MTHFD1L: variants seen among roughly 807,000 people sequenced by gnomAD.
The protein encoded by MTHFD1L is methylenetetrahydrofolate dehydrogenase (NADP+ dependent) 1 like.
In MTHFD1L, 81 loss-of-function variants were observed where a neutral mutation model predicts 119.5. The observed-to-expected ratio is 0.68, with a 90% CI of 0.57 to 0.82. The LOEUF (loss-of-function observed/expected upper bound fraction) is 0.82. MTHFD1L is among the 40% of genes least tolerant of loss of function. The pLI is 0.00. For missense variants in MTHFD1L, 1,125 were observed against 1,253.4 expected, an observed-to-expected ratio of 0.90 and a Z score of 1.55; for synonymous variants, 430 against 475.2, an observed-to-expected ratio of 0.90 and a Z score of 1.24.
At chr6:150,883,895 C>G (rs77344553) in intron 5 of MTHFD1L, among the ~76,000 whole-genome samples, 3 of 151,992 alleles carry the variant, frequency 2.0e-5, no homozygotes, top group African/African-American at 7.3e-5. Flanking sequence ...TCCGGTAGAC[C>G]CTGCAGGGGC....
intron 1 of MTHFD1L, among the ~76,000 whole-genome samples, chr6:150,875,196 C>T (rs1207768861): frequency 1.3e-5 from 2 of 152,136 alleles, no homozygotes; most frequent in Non-Finnish European, 2.9e-5. Context: ...TCTGGGACTA[C>T]AGTCACGTGC....
chr6:150,958,597 G>A (rs1626655), intron 17 of MTHFD1L, among the ~76,000 whole-genome samples: 43,149 of 151,816 alleles, frequency 0.28, 6,466 homozygotes, highest in East Asian at 0.49. Context: ...TTGCCCTATC[G>A]TGATTATTAC....
At chr6:150,977,270 C>G (rs973061431) in intron 20 of MTHFD1L, among the ~76,000 whole-genome samples, 1 of 152,106 alleles carries the variant, frequency 6.6e-6, no homozygotes, top group African/African-American at 2.4e-5. Context: ...TTTGTTCTAA[C>G]AAAAAGCATA....
chr6:151,077,807 T>TA (rs1792694383), intron 26 of MTHFD1L, among the ~76,000 whole-genome samples: 2 of 152,224 alleles, frequency 1.3e-5, no homozygotes, highest in South Asian at 4.1e-4. Context: ...CTCACGCTTG[T>TA]AATCCCAGCA....
intron 4 of MTHFD1L, among the ~76,000 whole-genome samples, chr6:150,879,890 A>G (rs1289673210): frequency 6.6e-6 from 1 of 151,980 alleles, no homozygotes; most frequent in African/African-American, 2.4e-5. Context: ...TGGCCTCCCA[A>G]AGCGCTGGGA....
At chr6:150,934,690 G>A (rs1179144748) in intron 11 of MTHFD1L, among the ~76,000 whole-genome samples, 4 of 152,148 alleles carry the variant, frequency 2.6e-5, no homozygotes, top group African/African-American at 2.4e-5. Flanking sequence ...TATTAGATTG[G>A]TTGTGGTTGA....
rs540059318 is a variant in MTHFD1L at position 150,928,433 on chromosome 6, CAAAAAAAA to C, written c.1256+2155_1256+2162del. ...CCTAGGTGACAGAGCAAGACTGTCT[CAAAAAAAA>C]AAAAAAAAAAAAAAAATCACCTCTT... On this transcript the variant is annotated intron_variant, in intron 11 of 27. Coordinates refer to ENST00000367321, the MANE Select transcript of MTHFD1L (RefSeq NM_015440.5). Among the ~76,000 whole-genome samples the C allele has an allele frequency of 1.6e-4, 11 of 70,934 alleles. No individual in the cohort carries two copies. In the South Asian group the frequency reaches 4.0e-3, roughly 26 times the overall value. 46.5% of individuals were successfully genotyped at this position (70,934 alleles called of 152,430 possible).
At chr6:151,023,004 T>C (rs1436402018) in intron 24 of MTHFD1L, among the ~76,000 whole-genome samples, 1 of 151,692 alleles carries the variant, frequency 6.6e-6, no homozygotes, top group Non-Finnish European at 1.5e-5. Context: ...ACCCCCTGCT[T>C]TTTTTATGTT....
In MTHFD1L at chr6:151,091,118, C is replaced by T. The variant is rs536067683; in HGVS notation, c.2848-1349C>T. 6.8e-4 allele frequency among the ~76,000 whole-genome samples: 99 copies of T among 145,970 alleles called. 3 individuals carry two copies. Among genetic ancestry groups the T allele is most frequent in the African/African-American group, 2.5e-3 (95 of 37,550 alleles). On this transcript the variant is annotated intron_variant, in intron 26 of 27. Coordinates refer to ENST00000367321, the MANE Select transcript of MTHFD1L (RefSeq NM_015440.5). ...CGTTCCATGCGACTGGGTACAGCAT[C>T]GTTCTATGTGACTGGGTGCAGCATC... is the stretch of plus-strand genomic sequence containing the variant.
intron 4 of MTHFD1L, 82 bp from the exon 5 acceptor site, chr6:150,882,680 C>A: frequency 9.7e-7 from 1 of 1,033,100 alleles, no homozygotes; most frequent in South Asian, 2.2e-5. Context: ...TTTCATGAAT[C>A]CACTTTTTAT....
At position 151,078,524 on chromosome 6, in the gene MTHFD1L, C is replaced by T. The variant is rs138892861; in HGVS notation, c.2848-13943C>T. On this transcript the variant is annotated intron_variant, in intron 26 of 27. Transcript: ENST00000367321. ...CTGCTTCAGACTGCGAAAATTGTCT[C>T]ATCTGAGGCCTGGGTTCCTCATCAA... Among the ~76,000 whole-genome samples, 282 of 152,292 alleles carry T rather than the reference C, an allele frequency of 1.9e-3. 3 individuals carry two copies. Among genetic ancestry groups the T allele is most frequent in the African/African-American group, 6.3e-3 (261 of 41,534 alleles).
intron 18 of MTHFD1L, among the ~76,000 whole-genome samples, chr6:150,964,358 A>C (rs2129006009): frequency 6.6e-6 from 1 of 152,320 alleles, no homozygotes; most frequent in African/African-American, 2.4e-5. Flanking sequence ...GATTGGAAGG[A>C]AGCTGCCTTA....
At chr6:150,923,512 T>TATTTATTTA in intron 10 of MTHFD1L, among the ~76,000 whole-genome samples, 1 of 108,718 alleles carries the variant, frequency 9.2e-6, no homozygotes, top group African/African-American at 5.3e-5. Context: ...ACTGACACTT[T>TATTTATTTA]ATTTATTTAT....
intron 7 of MTHFD1L, among the ~76,000 whole-genome samples, chr6:150,895,480 A>T (rs1406064833): frequency 1.3e-5 from 2 of 152,014 alleles, no homozygotes; most frequent in Non-Finnish European, 2.9e-5. Flanking sequence ...GAACCGTTTT[A>T]TTTTGTTTTT....
chr6:151,014,270 A>C (rs1410884286), intron 22 of MTHFD1L, among the ~76,000 whole-genome samples: 3 of 152,156 alleles, frequency 2.0e-5, no homozygotes. Flanking sequence ...ATGAAAGGAT[A>C]AAATTCATTC....
chr6:150,983,831 C>T (rs1383467501), intron 20 of MTHFD1L, among the ~76,000 whole-genome samples: 1 of 152,142 alleles, frequency 6.6e-6, no homozygotes, highest in Non-Finnish European at 1.5e-5. Context: ...TTCTATCCCC[C>T]AGGCTAACAG....
At position 150,926,354 on chromosome 6, in the gene MTHFD1L, A is replaced by T. The variant is rs966399879; in HGVS notation, c.1256+59A>T. Reference sequence around the variant, plus strand: ...AGACATATTTACAAAACTCTTCCCTATTTATCTCTCTCCTCGTACCCCTCA... The same window carrying T: ...AGACATATTTACAAAACTCTTCCCTTTTTATCTCTCTCCTCGTACCCCTCA... On this transcript the variant is annotated intron_variant, in intron 11 of 27. Coordinates refer to ENST00000367321, the MANE Select transcript of MTHFD1L (RefSeq NM_015440.5). This position sits in a 1 kb window ranked among gnomAD's most constrained non-coding sequence, Gnocchi z 4.3. 1 of 1,467,064 alleles carries T rather than the reference A, an allele frequency of 6.8e-7. No homozygotes were observed. The highest frequency in any genetic ancestry group is 9.4e-7 in the Non-Finnish European group (1 of 1,065,406). The allele number at this position is 1,467,064 out of a possible 1,614,324, so 90.9% of individuals were successfully genotyped here. A position where few individuals can be genotyped will look rare whatever the true frequency, so the allele number is the denominator to read the frequency against.
chr6:151,000,326 ACT>A (rs375809677), intron 20 of MTHFD1L, among the ~76,000 whole-genome samples: 276 of 140,124 alleles, frequency 2.0e-3, no homozygotes, highest in Middle Eastern at 7.5e-3. Flanking sequence ...ACAGGGAGAG[ACT>A]CTGTCTCAAA....
At chr6:150,950,235 ACT>A (rs954431913) in intron 16 of MTHFD1L, among the ~76,000 whole-genome samples, 4 of 151,758 alleles carry the variant, frequency 2.6e-5, no homozygotes, top group African/African-American at 9.7e-5. Context: ...GGCTTCCCTC[ACT>A]CTGCTCCCTG....
Sources: allele counts gnomAD v4.1 joint callset (sites outside exome capture counted in the v4.1 genomes callset), GRCh38; gene constraint gnomAD v4.1.1; non-coding constraint Gnocchi (gnomAD v3.1); transcripts MANE v1.5; gene names NCBI Gene and HGNC (gene_info 2026-07-23, HGNC 2026-07-21).